Variants in KMT2B observed in about 807,000 individuals in gnomAD.
KMT2B encodes the protein lysine methyltransferase 2B, also known as histone-lysine N-methyltransferase 2B.
KMT2B carries 22 observed loss-of-function variants against 255.3 expected under a neutral mutation model. The ratio of observed to expected loss-of-function variants is 0.09; its 90% CI spans 0.06 to 0.12. The LOEUF (loss-of-function observed/expected upper bound fraction) is 0.12, where lower values mean the gene tolerates loss of function less well. KMT2B is among the 10% of genes least tolerant of loss of function. The pLI is 1.00. For missense variants in KMT2B, 3,149 were observed against 3,737.0 expected (o/e 0.84, Z 4.10); for synonymous variants, 1,730 against 1,498.1 (o/e 1.15, Z -3.57).
At position 35,719,621 on chromosome 19, in the gene KMT2B, C is replaced by T. The variant is rs1469863342; in HGVS notation, c.436+80C>T. On this transcript the variant is annotated intron_variant, in intron 2 of 36. Coordinates refer to ENST00000420124, the MANE Select transcript of KMT2B (RefSeq NM_014727.3). ...TTCGTGTCAGCTCTTCCCTGTTCAA[C>T]TAGCCTCTGTCAGTTGCCGAATGTG... The T allele has an allele frequency of 2.0e-6, 3 of 1,514,600 alleles. No individual in the cohort carries two copies. In the African/African-American group the frequency reaches 4.2e-5, roughly 21 times the overall value. 93.8% of individuals were successfully genotyped at this position (1,514,600 alleles called of 1,614,324 possible). A position where few individuals can be genotyped will look rare whatever the true frequency, so the allele number is the denominator to read the frequency against.
In KMT2B at chr19:35,720,914, A is replaced by G; in HGVS notation, c.1567A>G (p.Asn523Asp). 1 of 1,609,754 alleles carries G rather than the reference A, an allele frequency of 6.2e-7. No individual in the cohort carries two copies. Among genetic ancestry groups the G allele is most frequent in the Non-Finnish European group, 8.5e-7 (1 of 1,178,482 alleles). The change falls in exon 3 of 37, where the codon AAT (asparagine) becomes GAT (aspartate). Residue 523 changes from asparagine to aspartate, a missense_variant. Asn to Asp is a conservative substitution (Grantham distance 23). Around this residue, in one of 18 missense-constraint regions of KMT2B, gnomAD observed 1,188 missense variants for 1,106.4 expected, o/e 1.07. Transcript: ENST00000420124. ...CCCCAAAAGCACCACCTTCCTGAAG[A>G]ATATCCGGCAGTTTATTATGCCTGT... ...VAPKSTTFLK[N>D]IRQFIMPVVS...
intron 30 of KMT2B, 31 bp from the exon 31 acceptor site, chr19:35,736,659 A>G (rs1215753772): frequency 3.1e-6 from 5 of 1,609,820 alleles, no homozygotes; most frequent in Non-Finnish European, 4.2e-6. Flanking sequence ...GGGAAGGGTG[A>G]TCTTCACTCC....
In KMT2B at chr19:35,732,528, C is replaced by A; in HGVS notation, c.5979C>A (p.Phe1993Leu). ...GACTGAGTGCTGCTGACCTGGACTTCGCGGCCAGCCTGCTGGGGACTGAGC... is the reference window on the plus strand; with the variant it reads ...GACTGAGTGCTGCTGACCTGGACTTAGCGGCCAGCCTGCTGGGGACTGAGC... ...VSGLSAADLD[F>L]AASLLGTEPF... The change falls in exon 28 of 37, where the codon TTC becomes TTA. Residue 1993 changes from phenylalanine to leucine, a missense_variant. By Grantham distance (22) the Phe-to-Leu change is conservative (BLOSUM62 0). Around this residue, in one of 18 missense-constraint regions of KMT2B, gnomAD observed 897 missense variants for 825.3 expected, o/e 1.09. Transcript: ENST00000420124. 6.2e-7 allele frequency: 1 copy of A among 1,613,898 alleles called. No homozygotes were observed. The highest frequency in any genetic ancestry group is 8.5e-7 in the Non-Finnish European group (1 of 1,179,880).
Position 35,732,556 on chromosome 19 carries a change from T to A in KMT2B, c.6007T>A (p.Phe2003Ile). 1 of 1,613,792 alleles carries A rather than the reference T, an allele frequency of 6.2e-7. No individual in the cohort carries two copies. Among genetic ancestry groups the A allele is most frequent in the Non-Finnish European group, 8.5e-7 (1 of 1,179,864 alleles). The stretch of plus-strand genomic sequence containing the variant: ...GGCCAGCCTGCTGGGGACTGAGCCC[T>A]TCCAGGAAGAGATTGTAGCCGCTGG... The part of the protein sequence containing the change: ...FAASLLGTEP[F>I]QEEIVAAGAM... Residue 2003 changes from phenylalanine to isoleucine, a missense_variant, in exon 28 of 37, where the codon TTC becomes ATC. Transcript: ENST00000420124.
In KMT2B at chr19:35,732,634, A is replaced by G. The variant is rs1969751456; in HGVS notation, c.6085A>G (p.Ser2029Gly). The change falls in exon 28 of 37, where the codon AGC (serine) becomes GGC (glycine). Residue 2029 changes from serine to glycine, a missense_variant. Coordinates refer to ENST00000420124, the MANE Select transcript of KMT2B (RefSeq NM_014727.3). ...GGGGGACAGCTCCGAGGAGGAGTCCAGCCCCACCTCCCGCTACATCCACTT... is the reference window on the plus strand; with the variant it reads ...GGGGGACAGCTCCGAGGAGGAGTCCGGCCCCACCTCCCGCTACATCCACTT... Reference protein sequence around the residue: ...GPGDSSEEESSPTSRYIHFPV... With the variant: ...GPGDSSEEESGPTSRYIHFPV... The G allele has an allele frequency of 6.2e-7, 1 of 1,611,156 alleles. No homozygotes were observed. Among genetic ancestry groups the G allele is most frequent in the Admixed American group, 1.7e-5 (1 of 59,716 alleles).
intron 3 of KMT2B, 80 bp from the exon 4 acceptor site, chr19:35,722,279 A>C (rs992007745): frequency 3.1e-5 from 43 of 1,400,384 alleles, no homozygotes; most frequent in Non-Finnish European, 4.0e-5. Flanking sequence ...CTGGGATTAC[A>C]GGCATCAGCC....
intron 30 of KMT2B, chr19:35,736,427 A>T (rs1969919545): frequency 2.0e-6 from 1 of 489,200 alleles, no homozygotes; most frequent in Non-Finnish European, 3.7e-6. Context: ...TGTCCTGAAG[A>T]GCCAAAAGGC....
intron 3 of KMT2B, 88 bp from the exon 4 acceptor site, chr19:35,722,271 G>A (rs565549619): frequency 1.4e-4 from 188 of 1,357,262 alleles, no homozygotes; most frequent in Admixed American, 1.9e-4. Flanking sequence ...CCAAAGTGCT[G>A]GGATTACAGG....
intron 30 of KMT2B, among the ~76,000 whole-genome samples, chr19:35,734,342 G>T (rs528219885): frequency 1.3e-5 from 2 of 152,290 alleles, no homozygotes; most frequent in Non-Finnish European, 2.9e-5. Context: ...GGAGTCTAGC[G>T]TTGGTGTCCA....
chr19:35,720,798 C>T lies in KMT2B; in HGVS notation c.1451C>T (p.Ala484Val). ...LTPSQRAERE[A>V]ARAGPEGTSP... ...CCCAGCCAGCGGGCGGAGCGGGAAGCTGCTCGGGCAGGGCCAGAGGGCACC... is the reference window on the plus strand; with the variant it reads ...CCCAGCCAGCGGGCGGAGCGGGAAGTTGCTCGGGCAGGGCCAGAGGGCACC... The change falls in exon 3 of 37, where the codon GCT becomes GTT. Residue 484 changes from alanine to valine, a missense_variant. Coordinates refer to ENST00000420124, the MANE Select transcript of KMT2B (RefSeq NM_014727.3). The T allele has an allele frequency of 6.7e-7, 1 of 1,499,238 alleles. No homozygotes were observed. The highest frequency in any genetic ancestry group is 8.9e-7 in the Non-Finnish European group (1 of 1,120,002). 92.9% of individuals were successfully genotyped at this position (1,499,238 alleles called of 1,614,324 possible).
Position 35,733,215 on chromosome 19 carries a change from C to T in KMT2B, c.6666C>T (p.Pro2222=), listed in dbSNP as rs753181053. The change falls in exon 28 of 37, where the codon CCC becomes CCT. Residue 2222 remains proline, a synonymous_variant. Coordinates refer to ENST00000420124, the MANE Select transcript of KMT2B (RefSeq NM_014727.3). This position sits in a 1 kb window ranked among gnomAD's most constrained non-coding sequence, Gnocchi z 4.3. ...CAGTGAAGCAGCCACCTTTGCCCCC[C>T]ACCATTTCCCCCACGGCTCCCACCT... ...PPPVKQPPLP[P]TISPTAPTSW... is the part of the protein sequence containing the mutation. The T allele has an allele frequency of 2.8e-5, 42 of 1,499,986 alleles. No individual in the cohort carries two copies. Among genetic ancestry groups the T allele is most frequent in the Non-Finnish European group, 3.6e-6 (4 of 1,101,364 alleles). 92.9% of individuals were successfully genotyped at this position (1,499,986 alleles called of 1,614,324 possible). A position where few individuals can be genotyped will look rare whatever the true frequency, so the allele number is the denominator to read the frequency against.
In KMT2B at chr19:35,720,714, C is replaced by A; in HGVS notation, c.1367C>A (p.Ser456Tyr). ...PPPAQEEQEE[S>Y]PPPVVPATCS... ...CCTGCCCAAGAGGAGCAGGAGGAAT[C>A]CCCTCCTCCTGTGGTCCCAGCTACG... Residue 456 changes from serine (S) to tyrosine (Y), a missense_variant, in exon 3 of 37, where the codon TCC becomes TAC. By Grantham distance (144) the Ser-to-Tyr change is moderately radical (BLOSUM62 -2). Transcript: ENST00000420124. 1 of 1,417,282 alleles carries A rather than the reference C, an allele frequency of 7.1e-7. No individual in the cohort carries two copies. The highest frequency in any genetic ancestry group is 9.3e-7 in the Non-Finnish European group (1 of 1,077,618). 87.8% of individuals were successfully genotyped at this position (1,417,282 alleles called of 1,614,324 possible). A position where few individuals can be genotyped will look rare whatever the true frequency, so the allele number is the denominator to read the frequency against.
In KMT2B at chr19:35,723,567, G is replaced by A. The variant is rs1969304025; in HGVS notation, c.3058+65G>A. On this transcript the variant is annotated intron_variant, in intron 7 of 36. Transcript: ENST00000420124. This position sits in a 1 kb window ranked among gnomAD's most constrained non-coding sequence, Gnocchi z 7.5. The stretch of plus-strand genomic sequence containing the variant: ...TAGAGTTTGTGCTGTGGAGGGAGCT[G>A]TTTTTCTTTGCTCTCCTCCCTTGCA... The A allele has an allele frequency of 6.9e-7, 1 of 1,449,760 alleles. No homozygotes were observed. 89.8% of individuals were successfully genotyped at this position (1,449,760 alleles called of 1,614,324 possible). A position where few individuals can be genotyped will look rare whatever the true frequency, so the allele number is the denominator to read the frequency against.
At chr19:35,726,983 C>CAAAA (rs34515466) in intron 14 of KMT2B, among the ~76,000 whole-genome samples, 173 bp from the exon 15 acceptor site, 3 of 62,842 alleles carry the variant, frequency 4.8e-5, no homozygotes, top group Non-Finnish European at 1.0e-4. Context: ...GACACTGTCT[C>CAAAA]AAAAAAAAAA....
chr19:35,723,932 G>C lies in KMT2B; in HGVS notation c.3259G>C (p.Asp1087His). 6.2e-7 allele frequency: 1 copy of C among 1,612,402 alleles called. No individual in the cohort carries two copies. The highest frequency in any genetic ancestry group is 8.5e-7 in the Non-Finnish European group (1 of 1,179,644). The change falls in exon 8 of 37, where the codon GAT becomes CAT. Residue 1087 changes from aspartate (D) to histidine (H), a missense_variant. Physicochemically the swap from Asp to His is moderately conservative, Grantham distance 81. This residue lies in a region of KMT2B where 136 missense variants were observed against 137.3 expected (regional missense o/e 0.99). Transcript: ENST00000420124. The surrounding 1 kb of genome is among the most constrained non-coding windows in gnomAD (Gnocchi z 7.5). ...CTGCGTCAAACAGCGACCCTCCTAT[G>C]ATATCTTCGAGGATTCGGATGACTC... The part of the protein sequence containing the change: ...RRCVKQRPSY[D>H]IFEDSDDSEP...
intron 8 of KMT2B, among the ~76,000 whole-genome samples, 199 bp from the exon 9 acceptor site, chr19:35,724,438 C>T (rs906798012): frequency 6.6e-6 from 1 of 152,074 alleles, no homozygotes; most frequent in South Asian, 2.1e-4. Context: ...TTCAAGGCTG[C>T]GGTGGGCTAT....
rs1163042496 is a variant in KMT2B at position 35,737,046 on chromosome 19, C to T, written c.7373-40C>T. ...GATGTCTCCCCGAGGGCACCATGGGCCCTCCACATGACAGGTGTGTCCTCA... is the reference window on the plus strand; with the variant it reads ...GATGTCTCCCCGAGGGCACCATGGGTCCTCCACATGACAGGTGTGTCCTCA... On this transcript the variant is annotated intron_variant, in intron 32 of 36. Transcript: ENST00000420124. This position sits in a 1 kb window ranked among gnomAD's most constrained non-coding sequence, Gnocchi z 5.3. The T allele has an allele frequency of 4.3e-6, 7 of 1,609,880 alleles. No homozygotes were observed. The South Asian group carries it at 5.5e-5, about 13-fold the overall frequency.
At position 35,732,388 on chromosome 19, in the gene KMT2B, G is replaced by A. The variant is rs755671444; in HGVS notation, c.5839G>A (p.Val1947Ile). The A allele has an allele frequency of 3.1e-6, 5 of 1,613,166 alleles. No individual in the cohort carries two copies. The highest frequency in any genetic ancestry group is 4.2e-6 in the Non-Finnish European group (5 of 1,179,516). ...PQLRVPPPTS[V>I]VTALTPTSGE... ...GCTCAGGGTGCCCCCTCCTACCTCA[G>A]TCGTCACAGCCCTCACACCTACCTC... The change falls in exon 28 of 37, where the codon GTC becomes ATC. Residue 1947 changes from valine (V) to isoleucine (I), a missense_variant. Val to Ile is a conservative substitution (Grantham distance 29). This residue lies in a region of KMT2B where 897 missense variants were observed against 825.3 expected (regional missense o/e 1.09). Transcript: ENST00000420124.
chr19:35,718,278 C>T lies in KMT2B; in HGVS notation c.260C>T (p.Pro87Leu), dbSNP rs1448813785. The T allele has an allele frequency of 2.5e-6, 3 of 1,222,424 alleles. No homozygotes were observed. Among genetic ancestry groups the T allele is most frequent in the African/African-American group, 1.6e-5 (1 of 63,412 alleles). The allele number at this position is 1,222,424 out of a possible 1,614,324, so 75.7% of individuals were successfully genotyped here. ...CGGCTCCGCCGCCTGTGGGCCGGCC[C>T]GCGGGTCCAGCGGGGCCGGGGACGG... ...LRRLRRLWAG[P>L]RVQRGRGRGR... Residue 87 changes from proline (P) to leucine (L), a missense_variant, in exon 1 of 37, where the codon CCG becomes CTG. By Grantham distance (98) the Pro-to-Leu change is moderately conservative. This residue lies in a region of KMT2B where 1,188 missense variants were observed against 1,106.4 expected (regional missense o/e 1.07). Transcript: ENST00000420124. This position sits in a 1 kb window ranked among gnomAD's most constrained non-coding sequence, Gnocchi z 5.0.
Sources: allele counts gnomAD v4.1 joint callset (sites outside exome capture counted in the v4.1 genomes callset), GRCh38; gene constraint gnomAD v4.1.1; regional missense constraint gnomAD v4.1.1; non-coding constraint Gnocchi (gnomAD v3.1); transcripts MANE v1.5; gene names NCBI Gene and HGNC (gene_info 2026-07-23, HGNC 2026-07-21).